KCNC2: variants seen among roughly 807,000 people sequenced by gnomAD.
KCNC2 encodes potassium voltage-gated channel subfamily C member 2, also known as voltage-gated potassium channel KCNC2.
In KCNC2, 21 loss-of-function variants were observed where a neutral mutation model predicts 44.5. That is an observed-to-expected ratio of 0.47 (90% CI 0.33 to 0.68). The LOEUF (loss-of-function observed/expected upper bound fraction) is 0.68. KCNC2 is among the 30% of genes least tolerant of loss of function. KCNC2 has a pLI of 0.01. For missense variants in KCNC2, 589 were observed against 826.2 expected (o/e 0.71, Z 3.52); for synonymous variants, 391 against 339.1 (o/e 1.15, Z -1.68).
intron 2 of KCNC2, among the ~76,000 whole-genome samples, chr12:75,075,719 G>A (rs916541330): frequency 2.6e-5 from 4 of 151,782 alleles, no homozygotes; most frequent in Non-Finnish European, 5.9e-5. Context: ...AATCATAGCT[G>A]TATTCCTCCT....
chr12:75,157,641 A>G (rs748560773), intron 2 of KCNC2, among the ~76,000 whole-genome samples: 9 of 151,844 alleles, frequency 5.9e-5, no homozygotes, highest in Non-Finnish European at 1.0e-4. Flanking sequence ...ACTGGCTTTC[A>G]TGTGAGCAAG....
intron 1 of KCNC2, among the ~76,000 whole-genome samples, chr12:75,208,407 A>C (rs1415032352): frequency 1.4e-5 from 2 of 144,912 alleles, no homozygotes; most frequent in Non-Finnish European, 3.0e-5. Context: ...CTCCCTCTAA[A>C]CCTACTTTCT....
At chr12:75,046,779 T>C (rs571027878) in intron 4 of KCNC2, among the ~76,000 whole-genome samples, 119 of 151,994 alleles carry the variant, frequency 7.8e-4, no homozygotes, top group African/African-American at 2.7e-3. Context: ...AAGAAATAGA[T>C]GCAAACAATG....
At chr12:75,119,968 C>T (rs765788463) in intron 2 of KCNC2, among the ~76,000 whole-genome samples, 15 of 152,214 alleles carry the variant, frequency 9.9e-5, no homozygotes, top group Non-Finnish European at 1.9e-4. Flanking sequence ...AAACCAAATC[C>T]GGCAAAATGT....
At chr12:75,182,384 G>T (rs919963023) in intron 2 of KCNC2, among the ~76,000 whole-genome samples, 1 of 151,500 alleles carries the variant, frequency 6.6e-6, no homozygotes, top group Non-Finnish European at 1.5e-5. Context: ...TTAGCGGGGC[G>T]TGGTGGCGGG....
chr12:75,162,193 C>T (rs1242020388), intron 2 of KCNC2, among the ~76,000 whole-genome samples: 5 of 151,686 alleles, frequency 3.3e-5, no homozygotes, highest in Admixed American at 6.6e-5. Flanking sequence ...TTTACTGTCT[C>T]AAGATATATT....
intron 2 of KCNC2, among the ~76,000 whole-genome samples, chr12:75,171,910 C>G (rs1891848072): frequency 6.6e-6 from 1 of 151,732 alleles, no homozygotes; most frequent in Admixed American, 6.6e-5. Flanking sequence ...TAATAAAACA[C>G]TTTAAAAAGG....
chr12:75,187,547 C>G (rs970457685), intron 2 of KCNC2, among the ~76,000 whole-genome samples: 1 of 152,162 alleles, frequency 6.6e-6, no homozygotes, highest in African/African-American at 2.4e-5. Flanking sequence ...GTAGCGCAGG[C>G]TGGCACTGCT....
chr12:75,176,976 A>G (rs1310917453), intron 2 of KCNC2, among the ~76,000 whole-genome samples: 7 of 150,920 alleles, frequency 4.6e-5, no homozygotes, highest in East Asian at 1.9e-4. Flanking sequence ...GTTAAAATGT[A>G]TAAAGAAGAA....
intron 2 of KCNC2, among the ~76,000 whole-genome samples, chr12:75,087,420 T>C (rs540030777): frequency 6.6e-6 from 1 of 152,232 alleles, no homozygotes; most frequent in East Asian, 1.9e-4. Flanking sequence ...GAAATATCTG[T>C]TGATGCTCTT....
chr12:75,051,392 A>G (rs949760928), intron 2 of KCNC2, 75 bp from the exon 3 acceptor site: 6 of 822,236 alleles, frequency 7.3e-6, no homozygotes, highest in African/African-American at 1.7e-5. Flanking sequence ...TCTAAAAGCA[A>G]CAATCCCTGT....
intron 2 of KCNC2, among the ~76,000 whole-genome samples, chr12:75,094,550 C>G (rs1885760370): frequency 6.6e-6 from 1 of 151,738 alleles, no homozygotes; most frequent in Non-Finnish European, 1.5e-5. Flanking sequence ...TAATATTTTG[C>G]ATTTTCCTTT....
chr12:75,153,416 T>C (rs139272052), intron 2 of KCNC2, among the ~76,000 whole-genome samples: 198 of 151,918 alleles, frequency 1.3e-3, no homozygotes, highest in African/African-American at 4.8e-3. Context: ...AGCTAAATAA[T>C]GTGTACACAT....
intron 2 of KCNC2, among the ~76,000 whole-genome samples, chr12:75,061,807 A>G (rs1882371225): frequency 6.6e-6 from 1 of 152,026 alleles, no homozygotes; most frequent in African/African-American, 2.4e-5. Flanking sequence ...TAACTACATG[A>G]TTTTTACAAA....
chr12:75,042,269 C>T lies in KCNC2; in HGVS notation c.*836G>A, dbSNP rs1390588755. The T allele has an allele frequency of 6.2e-7, 1 of 1,607,308 alleles. No homozygotes were observed. On this transcript the variant is annotated 3_prime_UTR_variant, in exon 5 of 5. Transcript: ENST00000549446. ...TTCTGGCTAAACAATGCAAGCCTGG[C>T]TGGCAGTTACCTTTCTCTCATGTTT...
rs61089425 is a variant in KCNC2, at chr12:75,181,916, C to CTTTTTTTTTTTTTTTTTTTTTTT, written c.687+25358_687+25380dup. On this transcript the variant is annotated intron_variant, in intron 2 of 4. Transcript: ENST00000549446. The stretch of plus-strand genomic sequence containing the variant: ...AAACATTATTACTATTAATATCTTC[C>CTTTTTTTTTTTTTTTTTTTTTTT]TTTTTTTTTTTTTTTTTTTTTTTTT... Among the ~76,000 whole-genome samples the CTTTTTTTTTTTTTTTTTTTTTTT allele has an allele frequency of 3.1e-4, 15 of 47,876 alleles. 3 individuals carry two copies. The highest frequency in any genetic ancestry group is 4.7e-4 in the Non-Finnish European group (12 of 25,268). The allele number at this position is 47,876 out of a possible 152,430, so 31.4% of individuals were successfully genotyped here.
At chr12:75,109,263 A>C (rs1453443172) in intron 2 of KCNC2, among the ~76,000 whole-genome samples, 1 of 152,218 alleles carries the variant, frequency 6.6e-6, no homozygotes, top group East Asian at 1.9e-4. Context: ...CATGTCTTGA[A>C]CTTAAACTTT....
At chr12:75,138,979 T>TAAAAAAAAAAAAAAAAAA (rs373729570) in intron 2 of KCNC2, among the ~76,000 whole-genome samples, 32 of 77,930 alleles carry the variant, frequency 4.1e-4, no homozygotes, top group African/African-American at 1.4e-3. Context: ...AGACTCCGTG[T>TAAAAAAAAAAAAAAAAAA]AAAAAAAAAA....
intron 2 of KCNC2, among the ~76,000 whole-genome samples, chr12:75,183,499 C>G (rs1892737275): frequency 6.6e-6 from 1 of 152,104 alleles, no homozygotes; most frequent in Admixed American, 6.5e-5. Flanking sequence ...ATTCAGGAGT[C>G]AAATAACCAG....
Sources: gnomAD v4.1 joint callset for allele counts (sites outside exome capture counted in the v4.1 genomes callset) on GRCh38, gnomAD v4.1.1 for gene constraint, MANE v1.5 for transcripts, NCBI Gene and HGNC (gene_info 2026-07-23, HGNC 2026-07-21) for gene names.